RNF115: variants seen among roughly 807,000 people sequenced by gnomAD.
The protein encoded by RNF115 is ring finger protein 115.
A neutral mutation model predicts 39.2 loss-of-function variants in RNF115; 31 were observed. The ratio of observed to expected loss-of-function variants is 0.79; its 90% CI spans 0.59 to 1.07. The LOEUF is 1.07. RNF115 is among the 50% of genes least tolerant of loss of function. The pLI, the probability that RNF115 is intolerant of heterozygous loss-of-function variation, is 0.00. For synonymous variants in RNF115, 124 were observed against 131.0 expected (o/e 0.95, Z 0.37); for missense variants, 384 against 381.7 (o/e 1.01, Z -0.05).
At chr1:145,778,377 G>A (rs1193253203) in intron 3 of RNF115, among the ~76,000 whole-genome samples, 1 of 152,076 alleles carries the variant, frequency 6.6e-6, no homozygotes, top group African/African-American at 2.4e-5. Context: ...GGATTCTTTT[G>A]GGGATGATGA....
intron 3 of RNF115, among the ~76,000 whole-genome samples, chr1:145,782,300 T>C (rs1243486229): frequency 1.3e-5 from 2 of 152,120 alleles, no homozygotes; most frequent in African/African-American, 4.8e-5. Context: ...CCCCTATTTC[T>C]AGGAGAGTGC....
At chr1:145,761,011 C>G (rs1472809138) in intron 4 of RNF115, among the ~76,000 whole-genome samples, 2 of 152,118 alleles carry the variant, frequency 1.3e-5, no homozygotes, top group African/African-American at 4.8e-5. Flanking sequence ...TATGTTTTAA[C>G]AAAGAGACTG....
At chr1:145,788,879 T>A (rs1553718521) in intron 2 of RNF115, 29 bp downstream of exon 2, 1 of 1,509,290 alleles carries the variant, frequency 6.6e-7, no homozygotes, top group Non-Finnish European at 9.2e-7. Flanking sequence ...TAATAGAATG[T>A]CTGATTTATT....
At chr1:145,793,935 C>T (rs587693693) in intron 1 of RNF115, among the ~76,000 whole-genome samples, 1 of 152,046 alleles carries the variant, frequency 6.6e-6, no homozygotes, top group South Asian at 2.1e-4. Context: ...CCTCTGCCTC[C>T]TGGGTTCAAG....
chr1:145,786,591 T>A (rs1648389833), intron 2 of RNF115, among the ~76,000 whole-genome samples: 1 of 152,208 alleles, frequency 6.6e-6, no homozygotes, highest in Non-Finnish European at 1.5e-5. Context: ...AGACAAAGAT[T>A]CATCCTACAG....
At chr1:145,764,357 G>A (rs587655916) in intron 4 of RNF115, among the ~76,000 whole-genome samples, 466 of 151,212 alleles carry the variant, frequency 3.1e-3, no homozygotes, top group African/African-American at 0.011. Context: ...AGTGAGGAGC[G>A]TCTCTGCCCG....
At chr1:145,772,006 C>A (rs1553715852) in intron 3 of RNF115, 87 bp from the exon 4 acceptor site, 14 of 1,079,842 alleles carry the variant, frequency 1.3e-5, no homozygotes, top group Non-Finnish European at 1.8e-5. Context: ...TTACAAATGG[C>A]CACTGTGAAT....
At chr1:145,772,037 G>A (rs1424609676) in intron 3 of RNF115, 118 bp from the exon 4 acceptor site, 2 of 789,684 alleles carry the variant, frequency 2.5e-6, no homozygotes, top group African/African-American at 1.7e-5. Flanking sequence ...GTCTTCTTCT[G>A]CAGAGGTACC....
chr1:145,779,276 G>A (rs949851614), intron 3 of RNF115, among the ~76,000 whole-genome samples: 1 of 151,726 alleles, frequency 6.6e-6, no homozygotes. Context: ...CCAGGCTCAA[G>A]AGATTCTCCC....
intron 4 of RNF115, among the ~76,000 whole-genome samples, chr1:145,761,073 G>C (rs1326011708): frequency 6.6e-6 from 1 of 152,182 alleles, no homozygotes; most frequent in Non-Finnish European, 1.5e-5. Flanking sequence ...ACTTGAGAGA[G>C]ATGATTCAGA....
chr1:145,761,428 CTTGGTGCCCTG>C (rs1658499607), intron 4 of RNF115, among the ~76,000 whole-genome samples: 1 of 152,194 alleles, frequency 6.6e-6, no homozygotes, highest in African/African-American at 2.4e-5. Flanking sequence ...AGCCTAGGGA[CTTGGTGCCCTG>C]TGTCCCAGTT....
intron 4 of RNF115, 39 bp downstream of exon 4, chr1:145,771,672 G>A (rs1344303201): frequency 1.9e-6 from 3 of 1,546,688 alleles, no homozygotes; most frequent in Non-Finnish European, 2.7e-6. Flanking sequence ...GTCCTTCATT[G>A]AAACTACCTT....
intron 4 of RNF115, among the ~76,000 whole-genome samples, chr1:145,754,357 T>C (rs1033609652): frequency 5.2e-4 from 21 of 40,218 alleles, no homozygotes; most frequent in Non-Finnish European, 5.6e-4. Context: ...GGTTGTTTTT[T>C]TTTTTTCTTT....
intron 4 of RNF115, among the ~76,000 whole-genome samples, chr1:145,768,036 T>C (rs183676064): frequency 6.6e-6 from 1 of 152,334 alleles, no homozygotes; most frequent in African/African-American, 2.4e-5. Context: ...TTGTTTCATC[T>C]TACCCCTGAG....
chr1:145,801,876 C>T (rs1171205066), intron 1 of RNF115, among the ~76,000 whole-genome samples: 6 of 152,250 alleles, frequency 3.9e-5, no homozygotes, highest in African/African-American at 1.2e-4. Flanking sequence ...CAACCTCTGC[C>T]TCCCAGGCTC....
At chr1:145,783,217 G>A (rs1203229476) in intron 3 of RNF115, among the ~76,000 whole-genome samples, 1 of 152,130 alleles carries the variant, frequency 6.6e-6, no homozygotes, top group Admixed American at 6.6e-5. Flanking sequence ...AAATAAAAAT[G>A]CAAGTTCAAA....
In RNF115 at chr1:145,741,285, A is replaced by C. The variant is rs1384912917; in HGVS notation, c.*5581T>G. On this transcript the variant is annotated 3_prime_UTR_variant, in exon 9 of 9. Coordinates refer to ENST00000582693, the MANE Select transcript of RNF115 (RefSeq NM_014455.4). ...ACATACAAACTACACTTCTGTGGAC[A>C]CCAAGTGTAGTGTGGCAGGAAAACA... 1 of 152,236 alleles carries C rather than the reference A, an allele frequency of 6.6e-6. No individual in the cohort carries two copies. Among genetic ancestry groups the C allele is most frequent in the African/African-American group, 2.4e-5 (1 of 41,456 alleles). 9.4% of individuals were successfully genotyped at this position (152,236 alleles called of 1,614,324 possible). A position where few individuals can be genotyped will look rare whatever the true frequency, so the allele number is the denominator to read the frequency against.
intron 7 of RNF115, among the ~76,000 whole-genome samples, chr1:145,748,893 A>AAG (rs1657977363): frequency 1.3e-5 from 2 of 151,766 alleles, no homozygotes; most frequent in East Asian, 3.9e-4. Context: ...CAAAAAAAAA[A>AAG]AAAATTATTA....
At chr1:145,784,894 A>G (rs903354588) in intron 2 of RNF115, among the ~76,000 whole-genome samples, 7 of 152,336 alleles carry the variant, frequency 4.6e-5, no homozygotes, top group Admixed American at 2.0e-4. Flanking sequence ...TGACCTATCA[A>G]AAGACAAATA....
Sources: gnomAD v4.1 joint callset for allele counts (sites outside exome capture counted in the v4.1 genomes callset) on GRCh38, gnomAD v4.1.1 for gene constraint, MANE v1.5 for transcripts, NCBI Gene and HGNC (gene_info 2026-07-23, HGNC 2026-07-21) for gene names.